The following WASHC4 variants were observed in gnomAD, a reference collection of about 807,000 sequenced individuals.
WASHC4 encodes WASH complex subunit 7.
In WASHC4, 86 loss-of-function variants were observed where a neutral mutation model predicts 166.6. The ratio of observed to expected loss-of-function variants is 0.52; its 90% CI spans 0.43 to 0.62. The LOEUF is 0.62. Ranked by LOEUF, WASHC4 falls within the 20% of genes least tolerant of loss-of-function variation. The pLI, the probability that WASHC4 is intolerant of heterozygous loss-of-function variation, is 0.00. For missense variants in WASHC4, 1,262 were observed against 1,382.4 expected (o/e 0.91, Z 1.38); for synonymous variants, 446 against 451.6 (o/e 0.99, Z 0.16).
intron 24 of WASHC4, chr12:105,147,788 C>G (rs1883431644): frequency 2.4e-6 from 1 of 410,336 alleles, no homozygotes; most frequent in African/African-American, 2.2e-5. Flanking sequence ...GCCTGTAATC[C>G]CAGCTGCTTG....
At position 105,107,785 on chromosome 12, in the gene WASHC4, G is replaced by A; in HGVS notation, c.-16G>A. 6.5e-7 allele frequency: 1 copy of A among 1,548,214 alleles called. No individual in the cohort carries two copies. Among genetic ancestry groups the A allele is most frequent in the East Asian group, 2.4e-5 (1 of 40,896 alleles). The stretch of plus-strand genomic sequence containing the variant: ...ACGGGCTGGTTGGGGCTGTGTCTGT[G>A]GGAGGCGCCGGGGTGATGGCGGTGG... On this transcript the variant is annotated 5_prime_UTR_variant, in exon 1 of 33. Coordinates refer to ENST00000332180, the MANE Select transcript of WASHC4 (RefSeq NM_015275.3).
At chr12:105,141,363 CTG>C in intron 18 of WASHC4, 117 bp downstream of exon 18, 1 of 812,310 alleles carries the variant, frequency 1.2e-6, no homozygotes, top group Non-Finnish European at 2.2e-6. Context: ...TAGTTCCTTT[CTG>C]TAACTTCTTT....
At chr12:105,118,940 G>C (rs777471561) in intron 7 of WASHC4, among the ~76,000 whole-genome samples, 13 of 152,118 alleles carry the variant, frequency 8.5e-5, no homozygotes, top group Non-Finnish European at 1.5e-4. Context: ...AATTTTGTGA[G>C]TAGTTCTAAT....
chr12:105,147,391 C>A, intron 24 of WASHC4: 1 of 510,836 alleles, frequency 2.0e-6, no homozygotes, highest in Non-Finnish European at 3.5e-6. Context: ...ATAAATAGTG[C>A]TAGATATTTG....
At chr12:105,140,783 A>G in intron 16 of WASHC4, 116 bp from the exon 17 acceptor site, 2 of 1,011,188 alleles carry the variant, frequency 2.0e-6, no homozygotes, top group Admixed American at 1.9e-5. Flanking sequence ...TAAATGGGGA[A>G]AGTATTTGTG....
intron 4 of WASHC4, among the ~76,000 whole-genome samples, chr12:105,114,847 G>C (rs958034609): frequency 2.0e-5 from 3 of 151,894 alleles, no homozygotes; most frequent in Admixed American, 6.6e-5. Flanking sequence ...TTAAAAGTCT[G>C]GTAGAAGTTG....
In WASHC4 at chr12:105,157,287, A is replaced by G. The variant is rs747681567; in HGVS notation, c.2877A>G (p.Glu959=). Reference sequence around the variant, plus strand: ...TAAATTTTGAAGAACTAGTAAAAGAAGAAGGTCTTGCAGAAGAAACATTAA... The same window carrying G: ...TAAATTTTGAAGAACTAGTAAAAGAGGAAGGTCTTGCAGAAGAAACATTAA... ...DIVNFEELVK[E]EGLAEETLKA... The change falls in exon 28 of 33, where the codon GAA becomes GAG. Residue 959 remains glutamate, a synonymous_variant. Coordinates refer to ENST00000332180, the MANE Select transcript of WASHC4 (RefSeq NM_015275.3). 2 of 1,563,838 alleles carry G rather than the reference A, an allele frequency of 1.3e-6. No homozygotes were observed. The highest frequency in any genetic ancestry group is 2.2e-5 in the South Asian group (2 of 90,028).
chr12:105,160,186 A>G, intron 29 of WASHC4, 38 bp downstream of exon 29: 1 of 1,524,124 alleles, frequency 6.6e-7, no homozygotes, highest in Non-Finnish European at 9.1e-7. Context: ...TTTTTTTTTT[A>G]AAAAGAGTAT....
At chr12:105,151,145 C>CAAA (rs34655671) in intron 25 of WASHC4, among the ~76,000 whole-genome samples, 12 of 60,998 alleles carry the variant, frequency 2.0e-4, no homozygotes, top group Admixed American at 4.4e-4. Context: ...GACTCTGTCT[C>CAAA]AAAAAAAAAA....
chr12:105,131,803 A>G lies in WASHC4; in HGVS notation c.1200-1967A>G, dbSNP rs529245222. Among the ~76,000 whole-genome samples, 4 of 152,338 alleles carry G rather than the reference A, an allele frequency of 2.6e-5. No individual in the cohort carries two copies. In the South Asian group the frequency reaches 8.3e-4, roughly 32 times the overall value. ...ACCACTCTAAGCAAAGCCACAAAGT[A>G]TGACTATTTGTGTTTTTCGTCTAAT... On this transcript the variant is annotated intron_variant, in intron 13 of 32. Transcript: ENST00000332180.
intron 31 of WASHC4, 100 bp from the exon 32 acceptor site, chr12:105,164,541 T>C: frequency 1.1e-6 from 1 of 930,140 alleles, no homozygotes. Context: ...CACTAGAGCT[T>C]TTAAAAATAA....
intron 13 of WASHC4, among the ~76,000 whole-genome samples, chr12:105,133,291 C>G (rs759844676): frequency 1.3e-5 from 2 of 152,140 alleles, no homozygotes; most frequent in Non-Finnish European, 2.9e-5. Context: ...CTTTTCTGCA[C>G]TTCTCGTATA....
chr12:105,130,134 A>G (rs994612778), intron 13 of WASHC4, among the ~76,000 whole-genome samples: 16 of 152,278 alleles, frequency 1.1e-4, no homozygotes, highest in African/African-American at 3.4e-4. Flanking sequence ...AGGCAGTTCA[A>G]CTCTACAGCC....
At chr12:105,139,926 C>T (rs566163622) in intron 15 of WASHC4, among the ~76,000 whole-genome samples, 1 of 151,592 alleles carries the variant, frequency 6.6e-6, no homozygotes, top group South Asian at 2.1e-4. Flanking sequence ...CTCAGTTGCC[C>T]AGGCTGGAGT....
At chr12:105,119,172 A>C (rs1880480314) in intron 7 of WASHC4, among the ~76,000 whole-genome samples, 1 of 152,162 alleles carries the variant, frequency 6.6e-6, no homozygotes, top group Non-Finnish European at 1.5e-5. Flanking sequence ...CTTGGAGAAG[A>C]AGCCTCATGG....
rs190348595 is a variant in WASHC4, at chr12:105,140,936, G to T, written c.1598G>T (p.Arg533Leu). 1 of 1,614,050 alleles carries T rather than the reference G, an allele frequency of 6.2e-7. No homozygotes were observed. The highest frequency in any genetic ancestry group is 1.7e-5 in the Admixed American group (1 of 60,006). ...VISDKKYSEQ[R>L]LDVLSALVLA... is the part of the protein sequence containing the mutation. ...TCTGACAAAAAATACAGCGAACAGC[G>T]TCTTGATGTGCTCTCTGCTCTAGTT... Residue 533 changes from arginine to leucine, a missense_variant, in exon 17 of 33, where the codon CGT (arginine) becomes CTT (leucine). By Grantham distance (102) the Arg-to-Leu change is moderately radical. Transcript: ENST00000332180.
Position 105,118,439 on chromosome 12 carries a change from G to C in WASHC4, c.436-7G>C. On this transcript the variant is annotated splice_region_variant and splice_polypyrimidine_tract_variant and intron_variant, in intron 6 of 32. Coordinates refer to ENST00000332180, the MANE Select transcript of WASHC4 (RefSeq NM_015275.3). ...CTTTATAATATATACCCACCTTCTC[G>C]TTTCAGGAACTGTCTTGCTTTGTTA... The C allele has an allele frequency of 6.2e-7, 1 of 1,605,512 alleles. No individual in the cohort carries two copies. Among genetic ancestry groups the C allele is most frequent in the Non-Finnish European group, 8.5e-7 (1 of 1,172,136 alleles).
At chr12:105,128,470 T>C (rs1881483523) in intron 13 of WASHC4, among the ~76,000 whole-genome samples, 1 of 152,188 alleles carries the variant, frequency 6.6e-6, no homozygotes, top group Non-Finnish European at 1.5e-5. Context: ...AAAATGCCAA[T>C]ACATACTTAG....
At chr12:105,160,917 G>A (rs1476883752) in intron 29 of WASHC4, among the ~76,000 whole-genome samples, 1 of 152,076 alleles carries the variant, frequency 6.6e-6, no homozygotes, top group Non-Finnish European at 1.5e-5. Flanking sequence ...TATGTAACGT[G>A]TTCTTGCTCT....
Sources: gnomAD v4.1 joint callset for allele counts (sites outside exome capture counted in the v4.1 genomes callset) on GRCh38, gnomAD v4.1.1 for gene constraint, MANE v1.5 for transcripts, NCBI Gene and HGNC (gene_info 2026-07-23, HGNC 2026-07-21) for gene names.